Variants in IGSF10 observed in about 807,000 individuals in gnomAD.
The protein encoded by IGSF10 is immunoglobulin superfamily member 10, also known as calvaria mechanical force protein 608.
A neutral mutation model predicts 128.2 loss-of-function variants in IGSF10; 126 were observed. That is an observed-to-expected ratio of 0.98 (90% confidence interval 0.85 to 1.14). The LOEUF (loss-of-function observed/expected upper bound fraction) is 1.14. IGSF10 is among the 50% of genes most tolerant of loss of function. The pLI is 0.00. For synonymous variants in IGSF10, 1,185 were observed against 1,146.2 expected, an observed-to-expected ratio of 1.03 and a Z score of -0.68; for missense variants, 3,295 against 3,149.8, an observed-to-expected ratio of 1.05 and a Z score of -1.10.
At chr3:151,549,279 A>G in the IGSF10 span, among the ~76,000 whole-genome samples, 1 of 152,124 alleles carries the variant, frequency 6.6e-6, no homozygotes, top group Non-Finnish European at 1.5e-5. Flanking sequence ...AGTGGCAGGA[A>G]CTGATGTGAT....
the IGSF10 span, among the ~76,000 whole-genome samples, chr3:151,611,552 A>C: frequency 6.6e-6 from 1 of 152,202 alleles, no homozygotes; most frequent in Admixed American, 6.5e-5. Flanking sequence ...TGTCTTTCGG[A>C]ATTTCTTTTT....
At chr3:151,594,796 G>T in the IGSF10 span, among the ~76,000 whole-genome samples, 1 of 151,598 alleles carries the variant, frequency 6.6e-6, no homozygotes, top group Non-Finnish European at 1.5e-5. Flanking sequence ...CCAACACAAA[G>T]AAATGATGAA....
chr3:151,492,053 C>T, the IGSF10 span, among the ~76,000 whole-genome samples: 10,833 of 152,008 alleles, frequency 0.071, 539 homozygotes, highest in East Asian at 0.22. Flanking sequence ...AGGAAACAAT[C>T]GACAAAATGA....
At position 151,443,504 on chromosome 3, in the gene IGSF10, G is replaced by C. The variant is rs200778634; in HGVS notation, c.5443C>G (p.Arg1815Gly). ...CTGGCCACACATTTGTAAAAGCCAC[G>C]GTCATAAATACTGAGATTGTGGAGG... is the stretch of plus-strand genomic sequence containing the variant. ...LVLHNLSIYD[R>G]GFYKCVASNP... The change falls in exon 7 of 8, where the codon CGT (arginine) becomes GGT (glycine). Residue 1815 changes from arginine to glycine, a missense_variant. Coordinates refer to ENST00000282466, the MANE Select transcript of IGSF10 (RefSeq NM_178822.5). 7.9e-5 allele frequency: 127 copies of C among 1,614,068 alleles called. No homozygotes were observed. Among genetic ancestry groups the C allele is most frequent in the Non-Finnish European group, 1.0e-4 (122 of 1,180,040 alleles).
At chr3:151,432,875 G>C (rs925681965), downstream of IGSF10, 5 of 1,156,814 alleles carry the variant, frequency 4.3e-6, no homozygotes, top group African/African-American at 7.7e-5. Context: ...TAATGCATTA[G>C]TCATCTTAAA....
rs1720980618 is a variant in IGSF10, at chr3:151,443,422, G to A, written c.5525C>T (p.Pro1842Leu). The A allele has an allele frequency of 6.2e-7, 1 of 1,614,084 alleles. No homozygotes were observed. Among genetic ancestry groups the A allele is most frequent in the African/African-American group, 1.3e-5 (1 of 74,910 alleles). ...TTGCCTCCTTTGCTCTAGAATAACA[G>A]GTGGTGCTGCAATGACTTGTATTTT... The part of the protein sequence containing the change: ...LVKIQVIAAP[P>L]VILEQRRQVI... The change falls in exon 7 of 8, where the codon CCT becomes CTT. Residue 1842 changes from proline (P) to leucine (L), a missense_variant. Transcript: ENST00000282466.
chr3:151,446,047 T>C lies in IGSF10; in HGVS notation c.3934A>G (p.Ile1312Val), dbSNP rs369781630. 3.1e-6 allele frequency: 5 copies of C among 1,614,012 alleles called. No individual in the cohort carries two copies. The African/African-American group carries it at 4.0e-5, about 13-fold the overall frequency. The change falls in exon 6 of 8, where the codon ATA becomes GTA. Residue 1312 changes from isoleucine (I) to valine (V), a missense_variant. Ile to Val is a conservative substitution (Grantham distance 29, BLOSUM62 3). Coordinates refer to ENST00000282466, the MANE Select transcript of IGSF10 (RefSeq NM_178822.5). ...GCTGGTATTGCTGTTTGCGTTGATA[T>C]GATGCTTTTTGTACTTGAGTCTTTG... ...ISKDSSTKSI[I>V]STQTAIPATT... is the part of the protein sequence containing the mutation.
the IGSF10 span, among the ~76,000 whole-genome samples, chr3:151,545,444 A>G: frequency 6.6e-6 from 1 of 152,246 alleles, no homozygotes; most frequent in Non-Finnish European, 1.5e-5. Context: ...GCTTTGGAGG[A>G]TGAAGCAAGG....
At chr3:151,481,897 C>A in the IGSF10 span, among the ~76,000 whole-genome samples, 2 of 152,192 alleles carry the variant, frequency 1.3e-5, no homozygotes, top group African/African-American at 4.8e-5. Context: ...ACAAACCCTG[C>A]AGCCTAGATC....
At chr3:151,570,637 C>T in the IGSF10 span, among the ~76,000 whole-genome samples, 1 of 152,114 alleles carries the variant, frequency 6.6e-6, no homozygotes, top group East Asian at 1.9e-4. Context: ...GATATGAGCC[C>T]TTTGTCAGAT....
the IGSF10 span, among the ~76,000 whole-genome samples, chr3:151,508,637 T>A: frequency 6.6e-6 from 1 of 152,194 alleles, no homozygotes; most frequent in South Asian, 2.1e-4. Flanking sequence ...ATATTTTAAA[T>A]CTTTGACATA....
At chr3:151,617,741 T>G in the IGSF10 span, among the ~76,000 whole-genome samples, 1 of 152,114 alleles carries the variant, frequency 6.6e-6, no homozygotes, top group Non-Finnish European at 1.5e-5. Flanking sequence ...GAAACTTATG[T>G]TGAAACTTAA....
intron 1 of IGSF10, among the ~76,000 whole-genome samples, chr3:151,460,742 T>C (rs538749452): frequency 7.7e-4 from 117 of 152,158 alleles, no homozygotes; most frequent in African/African-American, 2.8e-3. Flanking sequence ...TGTTTTTTTT[T>C]TTTGCCTGGC....
chr3:151,562,170 C>G, the IGSF10 span, among the ~76,000 whole-genome samples: 1 of 152,118 alleles, frequency 6.6e-6, no homozygotes, highest in African/African-American at 2.4e-5. Flanking sequence ...CAGCCCAAAC[C>G]CACCAAAGCC....
the IGSF10 span, among the ~76,000 whole-genome samples, chr3:151,539,279 G>C: frequency 6.6e-6 from 1 of 152,158 alleles, no homozygotes; most frequent in East Asian, 1.9e-4. Flanking sequence ...CCCGAGAGAA[G>C]ACCAGATGCA....
At chr3:151,570,380 A>C in the IGSF10 span, among the ~76,000 whole-genome samples, 2 of 152,134 alleles carry the variant, frequency 1.3e-5, no homozygotes, top group Admixed American at 6.5e-5. Flanking sequence ...ATTTCTCCAC[A>C]TCCCCTCCAG....
chr3:151,607,892 C>T, the IGSF10 span, among the ~76,000 whole-genome samples: 1 of 106,166 alleles, frequency 9.4e-6, no homozygotes, highest in African/African-American at 3.8e-5. Flanking sequence ...GCCTGGGCGA[C>T]AGAGTGAGAC....
At chr3:151,529,088 A>G in the IGSF10 span, among the ~76,000 whole-genome samples, 1 of 152,110 alleles carries the variant, frequency 6.6e-6, no homozygotes, top group African/African-American at 2.4e-5. Context: ...AGCTGCCGGG[A>G]GGTTCAAACT....
At chr3:151,487,989 G>C in the IGSF10 span, among the ~76,000 whole-genome samples, 4 of 151,994 alleles carry the variant, frequency 2.6e-5, no homozygotes, top group East Asian at 7.7e-4. Flanking sequence ...GGGTAATCAG[G>C]CAAGAAAAAG....
Sources: allele counts gnomAD v4.1 joint callset (sites outside exome capture counted in the v4.1 genomes callset), GRCh38; gene constraint gnomAD v4.1.1; transcripts MANE v1.5; gene names NCBI Gene and HGNC (gene_info 2026-07-23, HGNC 2026-07-21).